The following ZBTB7C variants were observed in gnomAD, a reference collection of about 807,000 sequenced individuals.
ZBTB7C encodes zinc finger and BTB domain-containing protein 7C.
A neutral mutation model predicts 25.7 loss-of-function variants in ZBTB7C; 8 were observed. The observed-to-expected ratio is 0.31, with a 90% CI of 0.18 to 0.56. ZBTB7C has a LOEUF of 0.56. Ranked by LOEUF, ZBTB7C falls within the 20% of genes least tolerant of loss-of-function variation. The pLI is 0.91. For synonymous variants in ZBTB7C, 394 were observed against 369.0 expected (o/e 1.07, Z -0.78); for missense variants, 824 against 855.2 (o/e 0.96, Z 0.46).
intron 1 of ZBTB7C, chr18:48,364,188 G>A (rs1382097442): frequency 1.3e-5 from 2 of 152,224 alleles, no homozygotes; most frequent in Admixed American, 6.5e-5. Flanking sequence ...AGATTCCAAG[G>A]TGCCAAATTG....
At chr18:48,256,970 T>C (rs2144487570) in intron 2 of ZBTB7C, among the ~76,000 whole-genome samples, 1 of 151,712 alleles carries the variant, frequency 6.6e-6, no homozygotes, top group Non-Finnish European at 1.5e-5. Context: ...GTGAGATGAA[T>C]AGAAAACAAA....
intron 2 of ZBTB7C, among the ~76,000 whole-genome samples, chr18:48,196,570 C>T (rs1053998521): frequency 6.6e-5 from 10 of 152,082 alleles, no homozygotes; most frequent in African/African-American, 1.4e-4. Flanking sequence ...ATTGTGTCAC[C>T]GCTGTGCACA....
chr18:48,343,864 A>T (rs982398030), intron 1 of ZBTB7C, among the ~76,000 whole-genome samples: 12 of 151,962 alleles, frequency 7.9e-5, no homozygotes, highest in African/African-American at 2.7e-4. Context: ...CCACTGGCCT[A>T]TCCCCTTCCC....
intron 1 of ZBTB7C, among the ~76,000 whole-genome samples, chr18:48,376,987 G>A (rs1016206947): frequency 1.3e-5 from 2 of 152,164 alleles, no homozygotes; most frequent in Non-Finnish European, 2.9e-5. Context: ...TCAAGTACGT[G>A]GACAAGGTCT....
intron 3 of ZBTB7C, 95 bp from the exon 4 acceptor site, chr18:48,041,218 G>T: frequency 6.9e-7 from 1 of 1,457,336 alleles, no homozygotes; most frequent in South Asian, 1.4e-5. Flanking sequence ...TTGGCATAAG[G>T]GCTCCCTGTC....
chr18:48,116,095 G>C (rs576223919), intron 3 of ZBTB7C, among the ~76,000 whole-genome samples: 1 of 152,012 alleles, frequency 6.6e-6, no homozygotes, highest in African/African-American at 2.4e-5. Flanking sequence ...AAAAATATAA[G>C]AAAAAGAAAG....
rs565249560 is a variant in ZBTB7C at position 48,122,067 on chromosome 18, C to T, written c.-17+63867G>A. ...GGAGGAGGTGCCAGGCTCCTGCAGC[C>T]GAGCCAGCTGAGCTTGGAGCCATCT... On this transcript the variant is annotated intron_variant, in intron 3 of 4. Coordinates refer to ENST00000590800, the MANE Select transcript of ZBTB7C (RefSeq NM_001318841.2). 5.3e-5 allele frequency among the ~76,000 whole-genome samples: 8 copies of T among 152,274 alleles called. 1 individual carries two copies. Among genetic ancestry groups the T allele is most frequent in the Admixed American group, 2.6e-4 (4 of 15,296 alleles).
At chr18:48,151,162 C>T (rs1447655452) in intron 3 of ZBTB7C, among the ~76,000 whole-genome samples, 1 of 152,132 alleles carries the variant, frequency 6.6e-6, no homozygotes, top group Non-Finnish European at 1.5e-5. Flanking sequence ...AGGATGGGAG[C>T]AGGAGGAGGT....
intron 2 of ZBTB7C, among the ~76,000 whole-genome samples, chr18:48,337,370 C>G (rs954821232): frequency 6.6e-6 from 1 of 152,208 alleles, no homozygotes; most frequent in Non-Finnish European, 1.5e-5. Flanking sequence ...CAGCAAAGAC[C>G]AGAAAATCCA....
At chr18:48,404,510 A>G (rs572118863) in intron 1 of ZBTB7C, among the ~76,000 whole-genome samples, 16 of 151,916 alleles carry the variant, frequency 1.1e-4, no homozygotes, top group Admixed American at 3.3e-4. Flanking sequence ...ACTAAAGAAA[A>G]CTCACTCTGC....
At chr18:48,238,592 A>G (rs1471005089) in intron 2 of ZBTB7C, among the ~76,000 whole-genome samples, 1 of 152,250 alleles carries the variant, frequency 6.6e-6, no homozygotes, top group Non-Finnish European at 1.5e-5. Flanking sequence ...AATGAAATAT[A>G]AAAGTAGAAG....
chr18:48,401,497 G>A (rs1423148014), intron 1 of ZBTB7C, among the ~76,000 whole-genome samples: 3 of 152,158 alleles, frequency 2.0e-5, no homozygotes, highest in Non-Finnish European at 4.4e-5. Context: ...AAGCCACCAA[G>A]TTACAGGACT....
chr18:48,326,478 T>A (rs986497108), intron 2 of ZBTB7C, among the ~76,000 whole-genome samples: 4 of 152,042 alleles, frequency 2.6e-5, no homozygotes. Flanking sequence ...CAGACTGACA[T>A]CGGATTGTAG....
chr18:48,294,094 A>G (rs1345176243), intron 2 of ZBTB7C, among the ~76,000 whole-genome samples: 2 of 152,246 alleles, frequency 1.3e-5, no homozygotes, highest in Admixed American at 6.5e-5. Context: ...AGGGCAAGCA[A>G]GCTGCTGGCG....
chr18:48,237,350 A>T (rs2043406828), intron 2 of ZBTB7C, among the ~76,000 whole-genome samples: 1 of 34,492 alleles, frequency 2.9e-5, no homozygotes, highest in African/African-American at 1.1e-4. Flanking sequence ...GCTGGGAGCA[A>T]AGAAAACAGC....
intron 3 of ZBTB7C, among the ~76,000 whole-genome samples, chr18:48,139,413 G>T (rs1455423862): frequency 6.6e-6 from 1 of 152,094 alleles, no homozygotes; most frequent in Non-Finnish European, 1.5e-5. Context: ...GTAGGGAGGG[G>T]TGCACAGAGT....
At position 48,031,755 on chromosome 18, in the gene ZBTB7C, G is replaced by T. The variant is rs576549214; in HGVS notation, c.1209-1844C>A. On this transcript the variant is annotated intron_variant, in intron 4 of 4. Coordinates refer to ENST00000590800, the MANE Select transcript of ZBTB7C (RefSeq NM_001318841.2). ...CCCACACTGAGAACCACCGGTCTAG[G>T]CAAAGCCTCCACTATGTAGGTGGGC... Among the ~76,000 whole-genome samples, 9 of 152,314 alleles carry T rather than the reference G, an allele frequency of 5.9e-5. No individual in the cohort carries two copies. In the South Asian group the frequency reaches 1.9e-3, roughly 32 times the overall value.
At chr18:48,059,108 T>G (rs1385594431) in intron 3 of ZBTB7C, among the ~76,000 whole-genome samples, 1 of 152,242 alleles carries the variant, frequency 6.6e-6, no homozygotes, top group Non-Finnish European at 1.5e-5. Flanking sequence ...GGGCATTTTG[T>G]TATGCAGAAA....
chr18:48,337,228 GC>G (rs1306584287), intron 2 of ZBTB7C, among the ~76,000 whole-genome samples: 2 of 152,152 alleles, frequency 1.3e-5, no homozygotes, highest in African/African-American at 4.8e-5. Context: ...TGGGCCTCCT[GC>G]CCCAGGCCAC....
Sources: allele counts gnomAD v4.1 joint callset (sites outside exome capture counted in the v4.1 genomes callset), GRCh38; gene constraint gnomAD v4.1.1; transcripts MANE v1.5; gene names NCBI Gene and HGNC (gene_info 2026-07-23, HGNC 2026-07-21).